The following IQSEC2 variants were observed in gnomAD, a reference collection of about 807,000 sequenced individuals.
IQSEC2 encodes IQ motif and Sec7 domain ArfGEF 2.
A neutral mutation model predicts 74.6 loss-of-function variants in IQSEC2; 6 were observed. That is an observed-to-expected ratio of 0.08 (90% CI 0.04 to 0.16). The LOEUF (loss-of-function observed/expected upper bound fraction) is 0.16, where lower values mean the gene tolerates loss of function less well. Among genes scored for constraint, IQSEC2 ranks in the 10% least tolerant of loss-of-function variants. The pLI is 1.00. For synonymous variants in IQSEC2, 494 were observed against 544.5 expected (o/e 0.91, Z 1.29); for missense variants, 734 against 1,306.2 (o/e 0.56, Z 6.75).
chrX:53,238,353 G>A lies in IQSEC2; in HGVS notation c.3116-47C>T, dbSNP rs782505326. The A allele has an allele frequency of 1.3e-4, 141 of 1,125,842 alleles. No homozygotes were observed. In the South Asian group the frequency reaches 2.4e-3, roughly 19 times the overall value. The allele number at this position is 1,125,842 out of a possible 1,213,427, so 92.8% of individuals were successfully genotyped here. On this transcript the variant is annotated intron_variant, in intron 11 of 14. Coordinates refer to ENST00000642864, the MANE Select transcript of IQSEC2 (RefSeq NM_001111125.3). ...GGCACCTCTGTTGGGACTGGTGCAAGGTGGCTCATACATAAAATAATTTTT... is the reference window on the plus strand; with the variant it reads ...GGCACCTCTGTTGGGACTGGTGCAAAGTGGCTCATACATAAAATAATTTTT...
intron 2 of IQSEC2, among the ~76,000 whole-genome samples, chrX:53,273,131 T>G (rs782760499): frequency 2.1e-4 from 23 of 109,420 alleles, no homozygotes; most frequent in African/African-American, 7.6e-4. Flanking sequence ...ATTTTTCCCC[T>G]ATGACGTCAT....
At chrX:53,252,352 CA>C (rs2074402700) in intron 4 of IQSEC2, among the ~76,000 whole-genome samples, 1 of 93,621 alleles carries the variant, frequency 1.1e-5, no homozygotes, top group Non-Finnish European at 2.2e-5. Context: ...TGAGCTACCA[CA>C]CCTGGCCAAA....
At chrX:53,277,070 C>T (rs1001747295) in intron 2 of IQSEC2, among the ~76,000 whole-genome samples, 2 of 110,106 alleles carry the variant, frequency 1.8e-5, no homozygotes, top group South Asian at 4.0e-4. Context: ...TCTAGTTATA[C>T]TAGCCTTATG....
intron 10 of IQSEC2, chrX:53,239,521 C>G: frequency 2.7e-6 from 1 of 373,247 alleles, no homozygotes; most frequent in South Asian, 3.6e-5. Context: ...AGACATTTAC[C>G]ACATTTCCAG....
At chrX:53,239,864 A>G (rs2074192053) in intron 10 of IQSEC2, among the ~76,000 whole-genome samples, 1 of 112,307 alleles carries the variant, frequency 8.9e-6, no homozygotes, top group Non-Finnish European at 1.9e-5. Context: ...CAAACACCTC[A>G]GGCGGTCTGC....
At chrX:53,251,401 T>G (rs782198339) in intron 4 of IQSEC2, among the ~76,000 whole-genome samples, 9 of 110,253 alleles carry the variant, frequency 8.2e-5, no homozygotes, top group Non-Finnish European at 1.3e-4. Flanking sequence ...CTGAGACTAA[T>G]GCCCACAAGT....
In IQSEC2 at chrX:53,235,838, C is replaced by T. The variant is rs782505674; in HGVS notation, c.3452-6G>A. 2 of 1,161,930 alleles carry T rather than the reference C, an allele frequency of 1.7e-6. No homozygotes were observed. The highest frequency in any genetic ancestry group is 1.9e-5 in the South Asian group (1 of 52,166). On this transcript the variant is annotated splice_polypyrimidine_tract_variant and splice_region_variant and intron_variant, in intron 13 of 14. Coordinates refer to ENST00000642864, the MANE Select transcript of IQSEC2 (RefSeq NM_001111125.3). ...GTTACGCCGCCCCCGCTTCCCTGCA[C>T]CCACAAGCAAGGAGCCCAGCGTCAG...
chrX:53,274,452 C>CTTTTT lies in IQSEC2; in HGVS notation c.737+17438_737+17442dup, dbSNP rs66510453. Among the ~76,000 whole-genome samples the CTTTTT allele has an allele frequency of 3.5e-3, 163 of 47,124 alleles. 42 individuals carry two copies. Among genetic ancestry groups the CTTTTT allele is most frequent in the African/African-American group, 0.013 (132 of 10,290 alleles). The allele number at this position is 47,124 out of a possible 115,157, so 40.9% of individuals were successfully genotyped here. Reference sequence around the variant, plus strand: ...GCACTTCATTGCTTTAGTTACATTTCTTTTTTTTTTTTTTTTTTTTTTTTT... The same window carrying CTTTTT: ...GCACTTCATTGCTTTAGTTACATTTCTTTTTTTTTTTTTTTTTTTTTTTTTTTTTT... On this transcript the variant is annotated intron_variant, in intron 2 of 14. Coordinates refer to ENST00000642864, the MANE Select transcript of IQSEC2 (RefSeq NM_001111125.3).
At chrX:53,292,284 A>T (rs1007298515) in intron 1 of IQSEC2, among the ~76,000 whole-genome samples, 1 of 111,899 alleles carries the variant, frequency 8.9e-6, no homozygotes, top group Non-Finnish European at 1.9e-5. Context: ...GCAGGGGCAA[A>T]GCCCAAGCTT....
intron 2 of IQSEC2, among the ~76,000 whole-genome samples, chrX:53,286,916 G>A (rs2075034213): frequency 1.0e-5 from 1 of 97,263 alleles, no homozygotes; most frequent in African/African-American, 3.8e-5. Flanking sequence ...CTCCAGCCTG[G>A]GCGACAGAGC....
At chrX:53,278,716 T>C (rs2074885847) in intron 2 of IQSEC2, among the ~76,000 whole-genome samples, 1 of 112,734 alleles carries the variant, frequency 8.9e-6, no homozygotes, top group Non-Finnish European at 1.9e-5. Context: ...CTCACTGACA[T>C]TTATTCTAAA....
chrX:53,227,462 TGGA>T (rs1319588109), downstream of IQSEC2: 13 of 278,468 alleles, frequency 4.7e-5, no homozygotes, highest in African/African-American at 3.1e-4. Flanking sequence ...TCACCAGGAG[TGGA>T]GGAGGTGAGG....
At chrX:53,261,704 T>G (rs1347315993) in intron 2 of IQSEC2, among the ~76,000 whole-genome samples, 1 of 111,674 alleles carries the variant, frequency 9.0e-6, no homozygotes, top group Non-Finnish European at 1.9e-5. Context: ...GTGCGCTGTC[T>G]GCTGGGCTAT....
At chrX:53,248,286 C>T (rs1556862482) in intron 6 of IQSEC2, 50 bp from the exon 7 acceptor site, 2 of 1,195,240 alleles carry the variant, frequency 1.7e-6, no homozygotes, top group Admixed American at 4.5e-5. Flanking sequence ...CTGCAGAAAA[C>T]CTCTGACCCA....
chrX:53,317,930 G>A (rs1170850133), intron 1 of IQSEC2, among the ~76,000 whole-genome samples: 2 of 111,818 alleles, frequency 1.8e-5, no homozygotes, highest in African/African-American at 3.3e-5. Flanking sequence ...CTTCCCTGCC[G>A]CTGTCAACTC....
chrX:53,248,538 T>G (rs782090269), intron 6 of IQSEC2, among the ~76,000 whole-genome samples, 183 bp downstream of exon 6: 164 of 111,316 alleles, frequency 1.5e-3, no homozygotes, highest in African/African-American at 5.0e-3. Flanking sequence ...CCCAGAAGAC[T>G]TTAGGAATAG....
chrX:53,252,132 C>T (rs2074399617), intron 4 of IQSEC2, among the ~76,000 whole-genome samples: 1 of 112,320 alleles, frequency 8.9e-6, no homozygotes, highest in African/African-American at 3.2e-5. Flanking sequence ...ACGATCTCAC[C>T]TCACTGCAAC....
At chrX:53,266,282 T>G in intron 2 of IQSEC2, 1 of 591,893 alleles carries the variant, frequency 1.7e-6, no homozygotes, top group Non-Finnish European at 2.0e-6. Flanking sequence ...CTGGTGGGGA[T>G]TGGAAGAGGG....
At chrX:53,295,111 CT>C (rs2075137922) in intron 1 of IQSEC2, among the ~76,000 whole-genome samples, 1 of 111,949 alleles carries the variant, frequency 8.9e-6, no homozygotes, top group Non-Finnish European at 1.9e-5. Context: ...GCATGAGCCA[CT>C]GCACCTGGCC....
Sources: allele counts gnomAD v4.1 joint callset (sites outside exome capture counted in the v4.1 genomes callset), GRCh38; gene constraint gnomAD v4.1.1; transcripts MANE v1.5; gene names NCBI Gene and HGNC (gene_info 2026-07-23, HGNC 2026-07-21).